Variants in ABHD12 observed in about 807,000 individuals in gnomAD.
The protein encoded by ABHD12 is abhydrolase domain containing 12, lysophospholipase.
A neutral mutation model predicts 58.3 loss-of-function variants in ABHD12; 43 were observed. That is an observed-to-expected ratio of 0.74 (90% CI 0.58 to 0.95). The LOEUF is 0.95. Ranked by LOEUF, ABHD12 falls within the 40% of genes least tolerant of loss-of-function variation. The probability of loss-of-function intolerance (pLI) is 0.00; values close to 1 mark genes in which losing one functional copy is unlikely to be tolerated. For missense variants in ABHD12, 539 were observed against 537.2 expected, an observed-to-expected ratio of 1.00 and a Z score of -0.03; for synonymous variants, 219 against 211.2, an observed-to-expected ratio of 1.04 and a Z score of -0.32.
chr20:25,311,367 C>G (rs1332704814), intron 6 of ABHD12, among the ~76,000 whole-genome samples: 1 of 152,202 alleles, frequency 6.6e-6, no homozygotes, highest in East Asian at 1.9e-4. Context: ...CCAAGGAACA[C>G]AGGTGGCTGG....
At chr20:25,310,771 G>A (rs1181843976) in intron 6 of ABHD12, among the ~76,000 whole-genome samples, 1 of 152,164 alleles carries the variant, frequency 6.6e-6, no homozygotes, top group Non-Finnish European at 1.5e-5. Context: ...ACAGGGACAG[G>A]AGGCAGAAGG....
chr20:25,315,027 C>A, intron 5 of ABHD12, 57 bp from the exon 6 acceptor site: 1 of 1,579,560 alleles, frequency 6.3e-7, no homozygotes, highest in Non-Finnish European at 8.7e-7. Flanking sequence ...GTATTGAGGG[C>A]AGCTTGCCGC....
chr20:25,302,067 C>G (rs1290695240), intron 12 of ABHD12, 152 bp downstream of exon 12: 2 of 1,155,830 alleles, frequency 1.7e-6, no homozygotes, highest in African/African-American at 1.5e-5. Context: ...CCTCAAACCC[C>G]TCTGCCAAGG....
chr20:25,328,907 C>A lies in ABHD12; in HGVS notation c.317-5477G>T, dbSNP rs1400842743. ...AGCTTGGTTGGTCCCAGGGATCACA[C>A]AGCCCCAGAGCGGGGTGGCTGTAGG... On this transcript the variant is annotated intron_variant, in intron 2 of 12. Coordinates refer to ENST00000339157, the MANE Select transcript of ABHD12 (RefSeq NM_001042472.3). 2.0e-5 allele frequency among the ~76,000 whole-genome samples: 3 copies of A among 152,228 alleles called. No individual in the cohort carries two copies. In the East Asian group the frequency reaches 5.8e-4, roughly 29 times the overall value.
chr20:25,300,754 C>G lies in ABHD12; in HGVS notation c.*91G>C. Reference sequence around the variant, plus strand: ...CTGGGCTCCTGAGCATTGCAGGTGCCGGCCCCCCGGGGCTTCAGGATACCG... The same window carrying G: ...CTGGGCTCCTGAGCATTGCAGGTGCGGGCCCCCCGGGGCTTCAGGATACCG... On this transcript the variant is annotated 3_prime_UTR_variant, in exon 13 of 13. Coordinates refer to ENST00000339157, the MANE Select transcript of ABHD12 (RefSeq NM_001042472.3). 2 of 1,605,404 alleles carry G rather than the reference C, an allele frequency of 1.2e-6. No individual in the cohort carries two copies. The highest frequency in any genetic ancestry group is 1.7e-6 in the Non-Finnish European group (2 of 1,176,942).
intron 6 of ABHD12, among the ~76,000 whole-genome samples, chr20:25,311,691 C>A (rs559308406): frequency 6.6e-6 from 1 of 152,278 alleles, no homozygotes; most frequent in East Asian, 1.9e-4. Flanking sequence ...CAGCTGAGGA[C>A]TACATGGTGG....
chr20:25,302,476 C>A, intron 11 of ABHD12, 130 bp from the exon 12 acceptor site: 1 of 1,266,360 alleles, frequency 7.9e-7, no homozygotes, highest in East Asian at 2.5e-5. Context: ...CTTGTTGCCA[C>A]AGCCGGTCAC....
At chr20:25,308,098 T>G (rs2088779019) in intron 8 of ABHD12, 53 bp from the exon 9 acceptor site, 1 of 1,251,190 alleles carries the variant, frequency 8.0e-7, no homozygotes, top group Non-Finnish European at 1.2e-6. Flanking sequence ...GCGACATACA[T>G]GTGGCCTGTG....
intron 1 of ABHD12, among the ~76,000 whole-genome samples, chr20:25,344,873 C>G (rs2089497854): frequency 6.6e-6 from 1 of 152,146 alleles, no homozygotes; most frequent in African/African-American, 2.4e-5. Context: ...GACAAAGGAG[C>G]AAGGGCAATA....
intron 1 of ABHD12, among the ~76,000 whole-genome samples, chr20:25,379,140 T>C (rs68187466): frequency 0.089 from 13,488 of 152,222 alleles, 1,029 homozygotes; most frequent in East Asian, 0.43. Flanking sequence ...TGCTGGGATG[T>C]GTGCAGGGAC....
At chr20:25,307,356 GA>G (rs1205080489) in intron 9 of ABHD12, among the ~76,000 whole-genome samples, 1 of 152,274 alleles carries the variant, frequency 6.6e-6, no homozygotes, top group African/African-American at 2.4e-5. Flanking sequence ...GTTGGTAACA[GA>G]ACAGCATGAG....
chr20:25,346,425 A>G (rs1331957794), intron 1 of ABHD12, among the ~76,000 whole-genome samples: 1 of 152,186 alleles, frequency 6.6e-6, no homozygotes, highest in Non-Finnish European at 1.5e-5. Flanking sequence ...AATCTCATAA[A>G]ATGCACAACA....
intron 1 of ABHD12, 85 bp from the exon 2 acceptor site, chr20:25,339,436 A>G (rs2089425169): frequency 4.4e-6 from 7 of 1,595,696 alleles, no homozygotes; most frequent in Non-Finnish European, 6.0e-6. Context: ...AAAATCCCTA[A>G]ACAAGAGCCA....
intron 2 of ABHD12, among the ~76,000 whole-genome samples, chr20:25,336,307 CT>C (rs11478147): frequency 0.62 from 91,807 of 149,222 alleles, 29,234 homozygotes; most frequent in African/African-American, 0.76. Context: ...ATTCAGGGTT[CT>C]TTTTTTTTTT....
At chr20:25,296,374 C>T (rs372147025), downstream of ABHD12, 16 of 1,613,918 alleles carry the variant, frequency 9.9e-6, no homozygotes, top group African/African-American at 2.7e-5. Flanking sequence ...CTGCAGAACC[C>T]CAAGGAGTGG....
intron 5 of ABHD12, among the ~76,000 whole-genome samples, chr20:25,315,647 G>A (rs1214501276): frequency 6.6e-6 from 1 of 152,096 alleles, no homozygotes; most frequent in Admixed American, 6.5e-5. Flanking sequence ...CCTAGCCACC[G>A]CAGAGGCTAT....
Position 25,308,807 on chromosome 20 carries a change from T to G in ABHD12, c.750-313A>C, listed in dbSNP as rs183169372. Among the ~76,000 whole-genome samples the G allele has an allele frequency of 3.5e-3, 537 of 152,318 alleles. 3 individuals are homozygous for G. The highest frequency in any genetic ancestry group is 0.012 in the African/African-American group (504 of 41,572). On this transcript the variant is annotated intron_variant, in intron 7 of 12. Coordinates refer to ENST00000339157, the MANE Select transcript of ABHD12 (RefSeq NM_001042472.3). ...CGGCTGGGGGTGGCCAGCGTCTGCC[T>G]GCACCTCTCCTGGAGCCCACCACAC...
chr20:25,312,941 C>A (rs1255664898), intron 6 of ABHD12, among the ~76,000 whole-genome samples: 1 of 151,334 alleles, frequency 6.6e-6, no homozygotes, highest in Admixed American at 6.6e-5. Context: ...AGCGTCTCCA[C>A]CCGCCCCATC....
chr20:25,379,376 C>A (rs2099392430), intron 1 of ABHD12, among the ~76,000 whole-genome samples: 1 of 152,232 alleles, frequency 6.6e-6, no homozygotes, highest in Admixed American at 6.5e-5. Context: ...GCCCTCCTAG[C>A]AGATGGCCTT....
Sources: gnomAD v4.1 joint callset for allele counts (sites outside exome capture counted in the v4.1 genomes callset) on GRCh38, gnomAD v4.1.1 for gene constraint, MANE v1.5 for transcripts, NCBI Gene and HGNC (gene_info 2026-07-23, HGNC 2026-07-21) for gene names.